The following ZNF804A variants were observed in gnomAD, a reference collection of about 807,000 sequenced individuals.
ZNF804A encodes the protein zinc finger protein 804A.
Under a neutral mutation model 16.5 loss-of-function variants are expected in ZNF804A, and 2 were observed. That is an observed-to-expected ratio of 0.12 (90% CI 0.05 to 0.38). The LOEUF (loss-of-function observed/expected upper bound fraction) is 0.38, where lower values mean the gene tolerates loss of function less well. Ranked by LOEUF, ZNF804A falls within the 10% of genes least tolerant of loss-of-function variation. The pLI is 0.99. For missense variants in ZNF804A, 1,473 were observed against 1,390.7 expected, an observed-to-expected ratio of 1.06 and a Z score of -0.94; for synonymous variants, 534 against 489.6, an observed-to-expected ratio of 1.09 and a Z score of -1.20.
chr2:184,811,814 T>A (rs1280824016), intron 1 of ZNF804A, among the ~76,000 whole-genome samples: 4 of 152,182 alleles, frequency 2.6e-5, no homozygotes, highest in African/African-American at 7.2e-5. Context: ...TAATTAATAT[T>A]TTAACATTTC....
At chr2:184,705,526 G>C (rs1186956633) in intron 1 of ZNF804A, among the ~76,000 whole-genome samples, 2 of 152,110 alleles carry the variant, frequency 1.3e-5, no homozygotes, top group African/African-American at 4.8e-5. Context: ...TTTCTTCAGA[G>C]TACAACTACA....
At chr2:184,616,109 A>T (rs987703339) in intron 1 of ZNF804A, among the ~76,000 whole-genome samples, 1 of 152,156 alleles carries the variant, frequency 6.6e-6, no homozygotes, top group Non-Finnish European at 1.5e-5. Context: ...GCTGAGAAAC[A>T]TGACTAGATT....
intron 1 of ZNF804A, among the ~76,000 whole-genome samples, chr2:184,695,847 T>C (rs1357483242): frequency 6.6e-6 from 1 of 152,228 alleles, no homozygotes; most frequent in Non-Finnish European, 1.5e-5. Context: ...TTTTTACTAA[T>C]CATTGAGACT....
chr2:184,908,615 T>C (rs1685313323), intron 2 of ZNF804A, among the ~76,000 whole-genome samples: 1 of 152,156 alleles, frequency 6.6e-6, no homozygotes, highest in Admixed American at 6.6e-5. Context: ...GTTTATTCAA[T>C]ATTAAGATTA....
chr2:184,830,889 G>A (rs904558975), intron 1 of ZNF804A, among the ~76,000 whole-genome samples: 1 of 152,034 alleles, frequency 6.6e-6, no homozygotes, highest in Admixed American at 6.6e-5. Context: ...AACTACTTCT[G>A]AGAAAATAAC....
At position 184,663,575 on chromosome 2, in the gene ZNF804A, T is replaced by C. The variant is rs151236257; in HGVS notation, c.111+64505T>C. 9.6e-3 allele frequency among the ~76,000 whole-genome samples: 1,459 copies of C among 152,188 alleles called. 26 individuals carry two copies. Among genetic ancestry groups the C allele is most frequent in the African/African-American group, 0.033 (1,390 of 41,544 alleles). On this transcript the variant is annotated intron_variant, in intron 1 of 3. Transcript: ENST00000302277. ...TCCTGGGTGGAAAGAGGTGGGTTCC[T>C]GGTGAAGCCCCACCTTCAAGCCAGG...
intron 1 of ZNF804A, among the ~76,000 whole-genome samples, chr2:184,682,731 C>A (rs1312901489): frequency 2.0e-5 from 3 of 152,264 alleles, no homozygotes; most frequent in East Asian, 1.9e-4. Context: ...TGGGTTTCCA[C>A]CCCCGGTAAG....
At chr2:184,609,596 T>G (rs1232218587) in intron 1 of ZNF804A, among the ~76,000 whole-genome samples, 2 of 152,246 alleles carry the variant, frequency 1.3e-5, no homozygotes, top group African/African-American at 4.8e-5. Context: ...TCCTAGCTGA[T>G]TCCATATCTG....
chr2:184,849,343 G>A (rs777190962), intron 1 of ZNF804A, among the ~76,000 whole-genome samples: 3 of 152,010 alleles, frequency 2.0e-5, no homozygotes, highest in Non-Finnish European at 4.4e-5. Context: ...AGTCAGAAAG[G>A]TGACAAAAGC....
chr2:184,644,581 TGTC>T (rs1332306515), intron 1 of ZNF804A, among the ~76,000 whole-genome samples: 1 of 151,976 alleles, frequency 6.6e-6, no homozygotes, highest in Non-Finnish European at 1.5e-5. Context: ...TGTCCTGTAA[TGTC>T]GTCATTAAAT....
At chr2:184,739,612 A>G (rs1480483) in intron 1 of ZNF804A, among the ~76,000 whole-genome samples, 50,975 of 152,026 alleles carry the variant, frequency 0.34, 11,893 homozygotes, top group African/African-American at 0.67. Flanking sequence ...GGCTCATCTC[A>G]AACTCCTGAC....
intron 1 of ZNF804A, among the ~76,000 whole-genome samples, chr2:184,809,227 C>A (rs749590958): frequency 6.6e-6 from 1 of 151,478 alleles, no homozygotes; most frequent in African/African-American, 2.4e-5. Context: ...TTCTTTCTCC[C>A]AAATAGGTAA....
intron 2 of ZNF804A, among the ~76,000 whole-genome samples, chr2:184,914,297 G>A (rs1018138767): frequency 6.6e-6 from 1 of 152,138 alleles, no homozygotes; most frequent in Admixed American, 6.6e-5. Context: ...CCAAGTTACA[G>A]TTTAATTGCA....
chr2:184,702,926 A>G (rs955123396), intron 1 of ZNF804A, among the ~76,000 whole-genome samples: 1 of 152,176 alleles, frequency 6.6e-6, no homozygotes, highest in Admixed American at 6.5e-5. Context: ...CAATTTTATA[A>G]GCATATTTAT....
At chr2:184,746,336 C>T (rs1217591692) in intron 1 of ZNF804A, among the ~76,000 whole-genome samples, 4 of 151,320 alleles carry the variant, frequency 2.6e-5, no homozygotes. Flanking sequence ...ATCTTTCCTC[C>T]TCACTACCCT....
At chr2:184,844,260 C>T (rs7603015) in intron 1 of ZNF804A, among the ~76,000 whole-genome samples, 23,566 of 151,414 alleles carry the variant, frequency 0.16, 3,280 homozygotes, top group African/African-American at 0.37. Flanking sequence ...AGTATTATTG[C>T]TTAAAACAAA....
At chr2:184,602,014 G>A (rs993296986) in intron 1 of ZNF804A, among the ~76,000 whole-genome samples, 3 of 151,764 alleles carry the variant, frequency 2.0e-5, no homozygotes, top group Non-Finnish European at 4.4e-5. Context: ...TCATATTTTA[G>A]TGCCAGTGAT....
intron 1 of ZNF804A, among the ~76,000 whole-genome samples, chr2:184,633,298 T>A (rs1031492089): frequency 6.6e-6 from 1 of 152,208 alleles, no homozygotes; most frequent in Admixed American, 6.5e-5. Flanking sequence ...TACCTGGGAA[T>A]AGAATGTCAG....
rs768617318 is a variant in ZNF804A at position 184,936,020 on chromosome 2, C to T, written c.624C>T (p.His208=). Residue 208 remains histidine, a synonymous_variant, in exon 4 of 4, where the codon CAC becomes CAT. Transcript: ENST00000302277. The part of the protein sequence containing the change: ...NQVGDQAQGI[H]RHKIGFSFAF... ...TTGGGGATCAAGCCCAGGGGATTCA[C>T]AGACACAAAATCGGCTTTTCTTTTG... is the stretch of plus-strand genomic sequence containing the variant. 1.2e-6 allele frequency: 2 copies of T among 1,614,042 alleles called. No individual in the cohort carries two copies. The highest frequency in any genetic ancestry group is 1.1e-5 in the South Asian group (1 of 91,080).
Sources: gnomAD v4.1 joint callset for allele counts (sites outside exome capture counted in the v4.1 genomes callset) on GRCh38, gnomAD v4.1.1 for gene constraint, MANE v1.5 for transcripts, NCBI Gene and HGNC (gene_info 2026-07-23, HGNC 2026-07-21) for gene names.